OTP: variants seen among roughly 807,000 people sequenced by gnomAD.
OTP encodes the protein orthopedia homeobox, also known as homeobox protein orthopedia.
A neutral mutation model predicts 22.3 loss-of-function variants in OTP; 5 were observed. That is an observed-to-expected ratio of 0.22 (90% confidence interval 0.12 to 0.47). The LOEUF (loss-of-function observed/expected upper bound fraction) is 0.47, where lower values mean the gene tolerates loss of function less well. Among genes scored for constraint, OTP ranks in the 20% least tolerant of loss-of-function variants. The pLI is 0.99. For missense variants in OTP, 428 were observed against 456.2 expected, an observed-to-expected ratio of 0.94 and a Z score of 0.56; for synonymous variants, 229 against 210.6, an observed-to-expected ratio of 1.09 and a Z score of -0.76.
At position 77,638,564 on chromosome 5, in the gene OTP, G is replaced by C; in HGVS notation, c.-15C>G. On this transcript the variant is annotated 5_prime_UTR_variant, in exon 1 of 3. Transcript: ENST00000306422. The stretch of plus-strand genomic sequence containing the variant: ...TGAGACAGCATCGCGCACCGCTCCA[G>C]GGCGAAAGCTGTTCCCCCCCAAATT... 1 of 1,555,660 alleles carries C rather than the reference G, an allele frequency of 6.4e-7. No homozygotes were observed. Among genetic ancestry groups the C allele is most frequent in the Non-Finnish European group, 8.6e-7 (1 of 1,156,374 alleles).
chr5:77,638,249 G>GA (rs34059045), intron 1 of OTP, among the ~76,000 whole-genome samples: 7,076 of 92,420 alleles, frequency 0.077, 895 homozygotes, highest in African/African-American at 0.27. Context: ...ATCGCCTTTC[G>GA]AAAAAAAAAA....
Position 77,636,848 on chromosome 5 carries a change from A to G in OTP, c.420T>C (p.Arg140=). 1.9e-6 allele frequency: 3 copies of G among 1,613,738 alleles called. No individual in the cohort carries two copies. Among genetic ancestry groups the G allele is most frequent in the Non-Finnish European group, 2.5e-6 (3 of 1,179,796 alleles). ...DIFMREELAL[R]IGLTESRVQV... ...GCACTCGGGACTCGGTCAGCCCGAT[A>G]CGCAGTGCCAGCTCCTCACGCATAA... The change falls in exon 2 of 3, where the codon CGT becomes CGC. Residue 140 remains arginine, a synonymous_variant. Transcript: ENST00000306422.
In OTP at chr5:77,630,235, G is replaced by T; in HGVS notation, c.*29C>A. On this transcript the variant is annotated 3_prime_UTR_variant, in exon 3 of 3. Transcript: ENST00000306422. ...CGGGGCGGCCCCCGGGGCGGTGCTG[G>T]GGGCGGAGCGGGCCGGGGCGCGGCT... The T allele has an allele frequency of 6.8e-7, 1 of 1,466,000 alleles. No individual in the cohort carries two copies. The highest frequency in any genetic ancestry group is 1.5e-5 in the African/African-American group (1 of 68,118). 90.8% of individuals were successfully genotyped at this position (1,466,000 alleles called of 1,614,324 possible). A position where few individuals can be genotyped will look rare whatever the true frequency, so the allele number is the denominator to read the frequency against.
At position 77,636,863 on chromosome 5, in the gene OTP, C is replaced by T. The variant is rs1745015179; in HGVS notation, c.405G>A (p.Glu135=). ...KTHYPDIFMR[E]ELALRIGLTE... is the part of the protein sequence containing the mutation. Reference sequence around the variant, plus strand: ...TCAGCCCGATACGCAGTGCCAGCTCCTCACGCATAAAGATGTCGGGGTAGT... The same window carrying T: ...TCAGCCCGATACGCAGTGCCAGCTCTTCACGCATAAAGATGTCGGGGTAGT... Residue 135 remains glutamate (E), a synonymous_variant, in exon 2 of 3, where the codon GAG becomes GAA. Coordinates refer to ENST00000306422, the MANE Select transcript of OTP (RefSeq NM_032109.3). 1 of 1,614,140 alleles carries T rather than the reference C, an allele frequency of 6.2e-7. No individual in the cohort carries two copies. The highest frequency in any genetic ancestry group is 2.2e-5 in the East Asian group (1 of 44,872).
At position 77,635,921 on chromosome 5, in the gene OTP, C is replaced by CA. The variant is rs1491004603; in HGVS notation, c.447+899dup. ...TCTTTTAAAAAACAAAAAAAAAAAA[C>CA]AAACAAAAATCTGGGATTCACTAGG... is the stretch of plus-strand genomic sequence containing the variant. On this transcript the variant is annotated intron_variant, in intron 2 of 2. Coordinates refer to ENST00000306422, the MANE Select transcript of OTP (RefSeq NM_032109.3). 15 of 133,226 alleles carry CA rather than the reference C, an allele frequency of 1.1e-4. 1 individual carries two copies. The highest frequency in any genetic ancestry group is 4.8e-4 in the African/African-American group (13 of 26,990). 8.3% of individuals were successfully genotyped at this position (133,226 alleles called of 1,614,324 possible).
At chr5:77,633,172 G>T (rs1367061922) in intron 2 of OTP, among the ~76,000 whole-genome samples, 1 of 152,210 alleles carries the variant, frequency 6.6e-6, no homozygotes, top group Admixed American at 6.5e-5. Flanking sequence ...GGATTGCCCA[G>T]TAGAATTTCA....
In OTP at chr5:77,638,672, A is replaced by G; in HGVS notation, c.-123T>C. On this transcript the variant is annotated 5_prime_UTR_variant, in exon 1 of 3. Transcript: ENST00000306422. ...TATATAGATCACCTAAATGAAAGAAAATTCGGTTTGTGGTTAAAAAGGGGG... is the reference window on the plus strand; with the variant it reads ...TATATAGATCACCTAAATGAAAGAAGATTCGGTTTGTGGTTAAAAAGGGGG... 1.0e-6 allele frequency: 1 copy of G among 983,624 alleles called. No homozygotes were observed. Among genetic ancestry groups the G allele is most frequent in the Non-Finnish European group, 1.4e-6 (1 of 710,598 alleles). 60.9% of individuals were successfully genotyped at this position (983,624 alleles called of 1,614,324 possible).
intron 2 of OTP, among the ~76,000 whole-genome samples, chr5:77,633,540 C>A (rs1307272320): frequency 6.6e-6 from 1 of 152,112 alleles, no homozygotes; most frequent in Non-Finnish European, 1.5e-5. Context: ...AATATATTAA[C>A]CCCAGCCACG....
In OTP at chr5:77,637,191, G is replaced by T. The variant is rs1416624294; in HGVS notation, c.77C>A (p.Ala26Glu). The change falls in exon 2 of 3, where the codon GCG (alanine) becomes GAG (glutamate). Residue 26 changes from alanine to glutamate, a missense_variant. Ala to Glu is a moderately radical substitution (Grantham distance 107). Coordinates refer to ENST00000306422, the MANE Select transcript of OTP (RefSeq NM_032109.3). Reference sequence around the variant, plus strand: ...CCCCACGCCCAGCCTACACTTCACCGCCTCCCGGTGGCCCAGAAGCTCGGC... The same window carrying T: ...CCCCACGCCCAGCCTACACTTCACCTCCTCCCGGTGGCCCAGAAGCTCGGC... ...DAAELLGHRE[A>E]VKCRLGVGGS... is the part of the protein sequence containing the mutation. The T allele has an allele frequency of 1.9e-6, 3 of 1,548,634 alleles. No homozygotes were observed. Among genetic ancestry groups the T allele is most frequent in the Admixed American group, 2.1e-5 (1 of 48,764 alleles).
Position 77,630,906 on chromosome 5 carries a change from G to A in OTP, c.448-112C>T. ...CTCGGATACAGCCGCTCTGCCCTGG[G>A]AGGAACAAGTGCCGTAGGCCCGACA... On this transcript the variant is annotated intron_variant, in intron 2 of 2. Coordinates refer to ENST00000306422, the MANE Select transcript of OTP (RefSeq NM_032109.3). 5 of 1,217,430 alleles carry A rather than the reference G, an allele frequency of 4.1e-6. No individual in the cohort carries two copies. In the South Asian group the frequency reaches 4.9e-5, roughly 12 times the overall value. 75.4% of individuals were successfully genotyped at this position (1,217,430 alleles called of 1,614,324 possible). A position where few individuals can be genotyped will look rare whatever the true frequency, so the allele number is the denominator to read the frequency against.
intron 2 of OTP, among the ~76,000 whole-genome samples, chr5:77,632,212 T>C (rs1744941829): frequency 6.6e-6 from 1 of 152,088 alleles, no homozygotes; most frequent in Non-Finnish European, 1.5e-5. Context: ...CTGAAAGATA[T>C]CACATAAGCT....
In OTP at chr5:77,630,351, C is replaced by T. The variant is rs754835702; in HGVS notation, c.891G>A (p.Pro297=). ...VSGSPQLCSS[P]DSSDVWRGTS... ...TGCCCCGCCACACGTCGCTGCTGTCCGGGGAGCTGCAGAGCTGGGGCGAAC... is the reference window on the plus strand; with the variant it reads ...TGCCCCGCCACACGTCGCTGCTGTCTGGGGAGCTGCAGAGCTGGGGCGAAC... Residue 297 remains proline, a synonymous_variant, in exon 3 of 3, where the codon CCG becomes CCA. Transcript: ENST00000306422. 36 of 1,573,484 alleles carry T rather than the reference C, an allele frequency of 2.3e-5. No homozygotes were observed. The highest frequency in any genetic ancestry group is 2.0e-4 in the Middle Eastern group (1 of 5,118).
chr5:77,638,550 C>A lies in OTP; in HGVS notation c.-1G>T, dbSNP rs766116232. On this transcript the variant is annotated 5_prime_UTR_variant, in exon 1 of 3. Transcript: ENST00000306422. ...CCAGGAGGTCGGCATGAGACAGCAT[C>A]GCGCACCGCTCCAGGGCGAAAGCTG... The A allele has an allele frequency of 1.0e-5, 16 of 1,568,828 alleles. No homozygotes were observed. Among genetic ancestry groups the A allele is most frequent in the Non-Finnish European group, 1.2e-5 (14 of 1,161,456 alleles).
chr5:77,633,464 T>C (rs949362815), intron 2 of OTP, among the ~76,000 whole-genome samples: 1 of 152,154 alleles, frequency 6.6e-6, no homozygotes, highest in Admixed American at 6.5e-5. Flanking sequence ...AACTAGAGCA[T>C]GACGGATTAA....
At chr5:77,632,897 A>G (rs960852645) in intron 2 of OTP, among the ~76,000 whole-genome samples, 5 of 152,080 alleles carry the variant, frequency 3.3e-5, no homozygotes, top group African/African-American at 9.7e-5. Flanking sequence ...ATCTCTCAGG[A>G]GGAAAGGAAG....
intron 2 of OTP, among the ~76,000 whole-genome samples, chr5:77,632,425 T>C (rs1744946018): frequency 6.6e-6 from 1 of 152,206 alleles, no homozygotes; most frequent in Non-Finnish European, 1.5e-5. Flanking sequence ...GCCAACGCAA[T>C]TTGACCACGA....
In OTP at chr5:77,636,984, G is replaced by T; in HGVS notation, c.284C>A (p.Ala95Asp). The change falls in exon 2 of 3, where the codon GCC (alanine) becomes GAC (aspartate). Residue 95 changes from alanine (A) to aspartate (D), a missense_variant. Ala to Asp is a moderately radical substitution (Grantham distance 126). Coordinates refer to ENST00000306422, the MANE Select transcript of OTP (RefSeq NM_032109.3). ...GPQGGPNPSQ[A>D]GQQQGQQKQK... is the part of the protein sequence containing the mutation. ...CTTCTGTTGGCCCTGCTGCTGGCCG[G>T]CTTGGCTGGGGTTCGGGCCGCCCTG... 6.2e-7 allele frequency: 1 copy of T among 1,613,904 alleles called. No individual in the cohort carries two copies. Among genetic ancestry groups the T allele is most frequent in the Non-Finnish European group, 8.5e-7 (1 of 1,179,952 alleles).
intron 2 of OTP, chr5:77,636,488 G>A (rs532629636): frequency 9.3e-6 from 3 of 324,236 alleles, no homozygotes; most frequent in African/African-American, 2.1e-5. Flanking sequence ...AGGAGTTGAG[G>A]TGTGCGCTCG....
In OTP at chr5:77,636,648, A is replaced by T. The variant is rs370163297; in HGVS notation, c.447+173T>A. On this transcript the variant is annotated intron_variant, in intron 2 of 2. Coordinates refer to ENST00000306422, the MANE Select transcript of OTP (RefSeq NM_032109.3). Reference sequence around the variant, plus strand: ...ACGGGCCTTGCGTGTCCATTGGGGGATGGCGATGGGGACCAGTTTCCGGGT... The same window carrying T: ...ACGGGCCTTGCGTGTCCATTGGGGGTTGGCGATGGGGACCAGTTTCCGGGT... The T allele has an allele frequency of 4.7e-4, 291 of 612,648 alleles. 7 individuals are homozygous for T. The South Asian group carries it at 5.3e-3, about 11-fold the overall frequency. The allele number at this position is 612,648 out of a possible 1,614,324, so 38.0% of individuals were successfully genotyped here.
Sources: gnomAD v4.1 joint callset for allele counts (sites outside exome capture counted in the v4.1 genomes callset) on GRCh38, gnomAD v4.1.1 for gene constraint, MANE v1.5 for transcripts, NCBI Gene and HGNC (gene_info 2026-07-23, HGNC 2026-07-21) for gene names.